The following PCDH11Y variants were observed in gnomAD, a reference collection of about 807,000 sequenced individuals.
PCDH11Y encodes protocadherin 11 Y-linked.
For synonymous variants in PCDH11Y, 9 were observed against 83.6 expected (o/e 0.11, Z 4.87); for missense variants, 12 against 224.8 (o/e 0.05, Z 6.05).
chrY:5,227,245 G>A, intron 2 of PCDH11Y, among the ~76,000 whole-genome samples: 1 of 32,366 alleles, frequency 3.1e-5, no homozygotes, highest in South Asian at 6.8e-4. Flanking sequence ...GTCACTGTTG[G>A]TATATAGAAT....
upstream of PCDH11Y, among the ~76,000 whole-genome samples, chrY:5,052,406 A>G: frequency 1.5e-4 from 5 of 33,289 alleles, no homozygotes; most frequent in African/African-American, 2.3e-4. Context: ...TATCAAGGAA[A>G]TTATGCCTTG....
chrY:5,030,040 A>C (rs2052587174), intron 1 of PCDH11Y, among the ~76,000 whole-genome samples: 18 of 32,396 alleles, frequency 5.6e-4, no homozygotes, highest in Non-Finnish European at 8.3e-4. Context: ...TTATGAGGCT[A>C]TCTACTTTCT....
chrY:5,133,570 A>G lies in PCDH11Y; in HGVS notation c.3129+32863A>G, dbSNP rs2052836077. Reference sequence around the variant, plus strand: ...TACTTTTTTGGTTATTTTAACCTGTATAATTAAATTATTATTGACTATAAT... The same window carrying G: ...TACTTTTTTGGTTATTTTAACCTGTGTAATTAAATTATTATTGACTATAAT... On this transcript the variant is annotated intron_variant, in intron 2 of 4. Coordinates refer to the PCDH11Y transcript ENST00000400457. 1.0e-4 allele frequency among the ~76,000 whole-genome samples: 3 copies of G among 29,509 alleles called. No individual in the cohort carries two copies. In the East Asian group the frequency reaches 2.6e-3, roughly 26 times the overall value. 79.2% of individuals were successfully genotyped at this position (29,509 alleles called of 37,273 possible).
chrY:5,199,696 C>G (rs2052925021), intron 2 of PCDH11Y, among the ~76,000 whole-genome samples: 1 of 32,577 alleles, frequency 3.1e-5, no homozygotes, highest in Non-Finnish European at 7.5e-5. Flanking sequence ...AGAATGGTGG[C>G]TTGCACAAGG....
At chrY:5,172,708 T>C (rs2052888237) in intron 2 of PCDH11Y, among the ~76,000 whole-genome samples, 3 of 31,363 alleles carry the variant, frequency 9.6e-5, no homozygotes, top group Admixed American at 9.0e-4. Context: ...TCTTTGGGGG[T>C]TGCTTATCTC....
chrY:5,085,727 G>C, intron 1 of PCDH11Y, among the ~76,000 whole-genome samples: 1 of 28,307 alleles, frequency 3.5e-5, no homozygotes, highest in South Asian at 8.8e-4. Flanking sequence ...ACTCTCTTCT[G>C]ATCTGTAAGA....
intron 2 of PCDH11Y, among the ~76,000 whole-genome samples, chrY:5,380,816 C>T: frequency 6.6e-5 from 2 of 30,511 alleles, no homozygotes; most frequent in African/African-American, 2.6e-4. Context: ...GTCTCGATCT[C>T]CTGACCTCGT....
chrY:5,659,149 G>C, intron 4 of PCDH11Y, among the ~76,000 whole-genome samples: 4 of 32,494 alleles, frequency 1.2e-4, no homozygotes, highest in African/African-American at 4.8e-4. Flanking sequence ...TGTGTGCTGA[G>C]CCACCTGGAA....
Position 5,022,032 on chromosome Y carries a change from T to C in PCDH11Y, c.-133-9874T>C, listed in dbSNP as rs1602838297. Among the ~76,000 whole-genome samples, 18 of 32,326 alleles carry C rather than the reference T, an allele frequency of 5.6e-4. No individual in the cohort carries two copies. In the East Asian group the frequency reaches 0.015, roughly 27 times the overall value. 86.7% of individuals were successfully genotyped at this position (32,326 alleles called of 37,273 possible). A position where few individuals can be genotyped will look rare whatever the true frequency, so the allele number is the denominator to read the frequency against. On this transcript the variant is annotated intron_variant, in intron 1 of 5. Coordinates refer to the PCDH11Y transcript ENST00000333703. Reference sequence around the variant, plus strand: ...AAACATGATACATAATAGATTATTTTGCTGTAATTAAAATGATTTTCTATG... The same window carrying C: ...AAACATGATACATAATAGATTATTTCGCTGTAATTAAAATGATTTTCTATG...
chrY:5,378,288 TAC>T (rs200306687), intron 2 of PCDH11Y, among the ~76,000 whole-genome samples: 322 of 23,286 alleles, frequency 0.014, no homozygotes, highest in Non-Finnish European at 0.022. Context: ...AATAAATAAA[TAC>T]ACACACACAC....
chrY:5,244,722 T>G, intron 2 of PCDH11Y, among the ~76,000 whole-genome samples: 1 of 34,304 alleles, frequency 2.9e-5, no homozygotes, highest in Non-Finnish European at 7.3e-5. Flanking sequence ...ACAAAATGGC[T>G]TAAGCCTGCC....
chrY:5,723,969 C>G, intron 4 of PCDH11Y, among the ~76,000 whole-genome samples: 1 of 34,234 alleles, frequency 2.9e-5, no homozygotes, highest in Admixed American at 2.6e-4. Flanking sequence ...CCAGTGCCAC[C>G]AAATTCATGG....
chrY:5,592,756 T>C (rs373392304), intron 4 of PCDH11Y, among the ~76,000 whole-genome samples: 1,474 of 30,992 alleles, frequency 0.048, no homozygotes, highest in Middle Eastern at 0.32. Context: ...GAAGATAATG[T>C]CATTTCTCCT....
At chrY:5,330,204 T>G in intron 2 of PCDH11Y, among the ~76,000 whole-genome samples, 11 of 32,739 alleles carry the variant, frequency 3.4e-4, no homozygotes, top group African/African-American at 1.3e-3. Flanking sequence ...GTGGGGGAGC[T>G]TCTGATCCAG....
intron 2 of PCDH11Y, among the ~76,000 whole-genome samples, chrY:5,235,266 AT>A (rs2052973673): frequency 3.3e-5 from 1 of 30,198 alleles, no homozygotes. Flanking sequence ...CATAATCACT[AT>A]TTTTTTTTCT....
chrY:5,152,263 CCTT>C lies in PCDH11Y; in HGVS notation c.3129+51559_3129+51561del, dbSNP rs2052864898. On this transcript the variant is annotated intron_variant, in intron 2 of 4. Coordinates refer to the PCDH11Y transcript ENST00000400457. ...CAAGTGTTGTGATCTGATATAATAT[CCTT>C]CTAATTCACATTATAAAGCATATTT... Among the ~76,000 whole-genome samples the C allele has an allele frequency of 1.3e-4, 4 of 31,550 alleles. No homozygotes were observed. The South Asian group carries it at 2.8e-3, about 22-fold the overall frequency. The allele number at this position is 31,550 out of a possible 37,273, so 84.6% of individuals were successfully genotyped here. A position where few individuals can be genotyped will look rare whatever the true frequency, so the allele number is the denominator to read the frequency against.
intron 2 of PCDH11Y, among the ~76,000 whole-genome samples, chrY:5,136,382 A>G: frequency 3.0e-5 from 1 of 32,873 alleles, no homozygotes; most frequent in Non-Finnish European, 7.5e-5. Context: ...CCCAAATGAG[A>G]AGAAACCAGA....
chrY:5,486,045 C>T (rs2053331082), intron 2 of PCDH11Y, among the ~76,000 whole-genome samples: 1 of 28,036 alleles, frequency 3.6e-5, no homozygotes, highest in African/African-American at 1.4e-4. Flanking sequence ...TCAGGAAGAC[C>T]TTTATCAATA....
At chrY:5,251,724 A>G (rs2053004385) in intron 2 of PCDH11Y, among the ~76,000 whole-genome samples, 269 of 32,436 alleles carry the variant, frequency 8.3e-3, no homozygotes, top group African/African-American at 0.029. Flanking sequence ...TGACACATAT[A>G]ATGTGCCTTA....
Sources: gnomAD v4.1 joint callset for allele counts (sites outside exome capture counted in the v4.1 genomes callset) on GRCh38, gnomAD v4.1.1 for gene constraint, MANE v1.5 for transcripts, NCBI Gene and HGNC (gene_info 2026-07-23, HGNC 2026-07-21) for gene names.